FNDC3B: variants seen among roughly 807,000 people sequenced by gnomAD.
FNDC3B encodes fibronectin type III domain-containing protein 3B.
A neutral mutation model predicts 151.5 loss-of-function variants in FNDC3B; 12 were observed. The observed-to-expected ratio is 0.08, with a 90% CI of 0.05 to 0.13. The LOEUF is 0.13. Ranked by LOEUF, FNDC3B falls within the 10% of genes least tolerant of loss-of-function variation. The pLI is 1.00. For synonymous variants in FNDC3B, 528 were observed against 549.0 expected (o/e 0.96, Z 0.54); for missense variants, 1,214 against 1,505.3 (o/e 0.81, Z 3.20).
chr3:172,121,443 A>G (rs1044637565), intron 2 of FNDC3B, among the ~76,000 whole-genome samples: 2 of 152,004 alleles, frequency 1.3e-5, no homozygotes, highest in African/African-American at 4.8e-5. Context: ...AGTTTTTAGG[A>G]TTTGAGGCCC....
At chr3:172,312,536 T>C (rs1231920967) in intron 11 of FNDC3B, among the ~76,000 whole-genome samples, 1 of 152,186 alleles carries the variant, frequency 6.6e-6, no homozygotes, top group Non-Finnish European at 1.5e-5. Context: ...TTTTTATATG[T>C]TGATTTGTTG....
In FNDC3B at chr3:172,304,544, G is replaced by T. The variant is rs539846721; in HGVS notation, c.1062-2819G>T. Reference sequence around the variant, plus strand: ...GACTCTAGCGAACTCTGCAGCACCTGCTCCATCTAAAGCGGGGAGCTGCCC... The same window carrying T: ...GACTCTAGCGAACTCTGCAGCACCTTCTCCATCTAAAGCGGGGAGCTGCCC... On this transcript the variant is annotated intron_variant, in intron 9 of 25. Transcript: ENST00000415807. Among the ~76,000 whole-genome samples the T allele has an allele frequency of 1.0e-3, 158 of 152,330 alleles. 4 individuals are homozygous for T. In the South Asian group the frequency reaches 0.032, roughly 31 times the overall value.
At chr3:172,090,477 C>T (rs543104976) in intron 1 of FNDC3B, among the ~76,000 whole-genome samples, 1 of 152,234 alleles carries the variant, frequency 6.6e-6, no homozygotes, top group Non-Finnish European at 1.5e-5. Flanking sequence ...AGGACTTGTG[C>T]TTAGGAACAC....
intron 1 of FNDC3B, among the ~76,000 whole-genome samples, chr3:172,057,910 GAAA>G (rs568169651): frequency 1.4e-5 from 2 of 140,646 alleles, no homozygotes; most frequent in African/African-American, 5.2e-5. Context: ...TTGCAGGGAG[GAAA>G]AAAAAAAAAG....
At chr3:172,044,091 T>C (rs1359468820) in intron 1 of FNDC3B, among the ~76,000 whole-genome samples, 4 of 152,204 alleles carry the variant, frequency 2.6e-5, no homozygotes, top group African/African-American at 9.6e-5. Flanking sequence ...ATCAAACACA[T>C]TGGATTCATC....
intron 3 of FNDC3B, among the ~76,000 whole-genome samples, chr3:172,224,185 T>C (rs1173481441): frequency 6.6e-6 from 1 of 152,190 alleles, no homozygotes; most frequent in Non-Finnish European, 1.5e-5. Flanking sequence ...TCAATTCAAA[T>C]ACAAATATTA....
At chr3:172,247,316 G>A (rs1173005423) in intron 4 of FNDC3B, among the ~76,000 whole-genome samples, 2 of 152,194 alleles carry the variant, frequency 1.3e-5, no homozygotes, top group South Asian at 2.1e-4. Flanking sequence ...AGAATCAGAT[G>A]TCAATGAATA....
chr3:172,238,805 C>T (rs1382494165), intron 4 of FNDC3B, among the ~76,000 whole-genome samples: 1 of 152,104 alleles, frequency 6.6e-6, no homozygotes. Context: ...AACTGCTCAG[C>T]CTCCTATAGG....
At chr3:172,341,664 T>C (rs1299381961) in intron 17 of FNDC3B, among the ~76,000 whole-genome samples, 36 of 152,220 alleles carry the variant, frequency 2.4e-4, no homozygotes, top group Admixed American at 2.4e-3. Flanking sequence ...CTCAAGGTAC[T>C]TTACTGCCAT....
intron 1 of FNDC3B, among the ~76,000 whole-genome samples, chr3:172,043,570 G>A (rs1175558899): frequency 2.6e-5 from 4 of 152,100 alleles, no homozygotes; most frequent in African/African-American, 9.7e-5. Flanking sequence ...TGTCCAGGCT[G>A]CATACTGCTC....
chr3:172,358,630 G>A (rs908300717), intron 22 of FNDC3B, among the ~76,000 whole-genome samples: 15 of 152,346 alleles, frequency 9.8e-5, no homozygotes, highest in African/African-American at 2.9e-4. Flanking sequence ...TTGGGATGGC[G>A]TGACACTCTC....
rs13076782 is a variant in FNDC3B, at chr3:172,122,301, C to A, written c.111+9711C>A. ...CTCGTTCTTTTTTTTTTTCTCTCTC[C>A]TACATTTCCAAATGCAAAAATAAAC... is the stretch of plus-strand genomic sequence containing the variant. On this transcript the variant is annotated intron_variant, in intron 2 of 25. Coordinates refer to ENST00000415807, the MANE Select transcript of FNDC3B (RefSeq NM_022763.4). 4.0e-4 allele frequency among the ~76,000 whole-genome samples: 61 copies of A among 151,684 alleles called. 2 individuals are homozygous for A. In the East Asian group the frequency reaches 0.011, roughly 27 times the overall value.
At position 172,192,338 on chromosome 3, in the gene FNDC3B, A is replaced by AATT. The variant is rs889609471; in HGVS notation, c.188-34517_188-34515dup. 8.6e-5 allele frequency among the ~76,000 whole-genome samples: 13 copies of AATT among 151,542 alleles called. No homozygotes were observed. In the South Asian group the frequency reaches 1.0e-3, roughly 12 times the overall value. ...CAGGCATGTGCCACCACCCCTGGCT[A>AATT]ATTATTATTATTATTATTTTGTGTT... On this transcript the variant is annotated intron_variant, in intron 3 of 25. Transcript: ENST00000415807.
chr3:172,329,111 T>G, intron 12 of FNDC3B, 35 bp downstream of exon 12: 1 of 1,581,968 alleles, frequency 6.3e-7, no homozygotes, highest in Non-Finnish European at 8.6e-7. Flanking sequence ...CCCTTCAGCC[T>G]TTGGATGGTG....
chr3:172,395,861 C>T (rs1028305522), intron 25 of FNDC3B, among the ~76,000 whole-genome samples: 1 of 152,186 alleles, frequency 6.6e-6, no homozygotes, highest in Admixed American at 6.5e-5. Flanking sequence ...CACAGAAATG[C>T]AGTCGTGGTA....
intron 9 of FNDC3B, among the ~76,000 whole-genome samples, chr3:172,299,540 T>A (rs1047181329): frequency 2.0e-5 from 3 of 152,246 alleles, no homozygotes; most frequent in Non-Finnish European, 4.4e-5. Flanking sequence ...AACTTTTTTT[T>A]AATCTTTATT....
intron 3 of FNDC3B, among the ~76,000 whole-genome samples, chr3:172,137,578 C>G (rs996573994): frequency 1.3e-5 from 2 of 152,080 alleles, no homozygotes; most frequent in Admixed American, 6.5e-5. Context: ...ATCACTTGAG[C>G]ACAGGAGTTT....
chr3:172,244,900 A>G (rs1727699932), intron 4 of FNDC3B, among the ~76,000 whole-genome samples: 1 of 152,184 alleles, frequency 6.6e-6, no homozygotes, highest in African/African-American at 2.4e-5. Flanking sequence ...TACTGGGATT[A>G]CAGGCGTGAG....
chr3:172,075,357 C>T lies in FNDC3B; in HGVS notation c.-29+35586C>T, dbSNP rs1358524961. 2.6e-5 allele frequency among the ~76,000 whole-genome samples: 4 copies of T among 152,028 alleles called. No homozygotes were observed. The East Asian group carries it at 5.8e-4, about 22-fold the overall frequency. Reference sequence around the variant, plus strand: ...TTCTAGTCCTGGTTCTGCCTCTGCCCGCCAGTTTGGTTTTAGATCTCTTCA... The same window carrying T: ...TTCTAGTCCTGGTTCTGCCTCTGCCTGCCAGTTTGGTTTTAGATCTCTTCA... On this transcript the variant is annotated intron_variant, in intron 1 of 25. Coordinates refer to ENST00000415807, the MANE Select transcript of FNDC3B (RefSeq NM_022763.4).
Sources: allele counts gnomAD v4.1 joint callset (sites outside exome capture counted in the v4.1 genomes callset), GRCh38; gene constraint gnomAD v4.1.1; transcripts MANE v1.5; gene names NCBI Gene and HGNC (gene_info 2026-07-23, HGNC 2026-07-21).